The following PLCB1 variants were observed in gnomAD, a reference collection of about 807,000 sequenced individuals.
PLCB1 encodes the protein phospholipase C beta 1, also known as 1-phosphatidylinositol 4,5-bisphosphate phosphodiesterase beta-1.
PLCB1 carries 46 observed loss-of-function variants against 161.8 expected under a neutral mutation model. That is an observed-to-expected ratio of 0.28 (90% confidence interval 0.22 to 0.36). PLCB1 has a LOEUF of 0.36. Among genes scored for constraint, PLCB1 ranks in the 10% least tolerant of loss-of-function variants. The pLI is 1.00. For missense variants in PLCB1, 1,016 were observed against 1,472.5 expected (o/e 0.69, Z 5.07); for synonymous variants, 517 against 503.7 (o/e 1.03, Z -0.35).
intron 3 of PLCB1, among the ~76,000 whole-genome samples, chr20:8,405,651 GACAATC>G (rs1489218162): frequency 6.6e-6 from 1 of 152,084 alleles, no homozygotes; most frequent in Non-Finnish European, 1.5e-5. Context: ...CTGAAACCTG[GACAATC>G]AAGTAGCCAA....
chr20:8,778,852 C>T (rs752252787), intron 27 of PLCB1, among the ~76,000 whole-genome samples: 3 of 152,184 alleles, frequency 2.0e-5, no homozygotes, highest in African/African-American at 4.8e-5. Context: ...TTTTTACTAC[C>T]TGCCTTTAGC....
At position 8,528,671 on chromosome 20, in the gene PLCB1, A is replaced by G. The variant is rs964161722; in HGVS notation, c.247-99623A>G. Among the ~76,000 whole-genome samples the G allele has an allele frequency of 2.0e-5, 3 of 151,988 alleles. No individual in the cohort carries two copies. In the East Asian group the frequency reaches 5.8e-4, roughly 29 times the overall value. ...CTAAAATTGTTGAGCTGGTGAACCA[A>G]TGCCGGGATTTCCGTAACTCTTACA... On this transcript the variant is annotated intron_variant, in intron 3 of 31. Transcript: ENST00000338037.
intron 31 of PLCB1, among the ~76,000 whole-genome samples, chr20:8,813,736 C>T (rs898757912): frequency 6.6e-6 from 1 of 152,010 alleles, no homozygotes; most frequent in East Asian, 1.9e-4. Flanking sequence ...GAGGCTGAGG[C>T]GGGAGGATCA....
chr20:8,822,950 T>C (rs961107921), intron 31 of PLCB1, among the ~76,000 whole-genome samples: 4 of 152,142 alleles, frequency 2.6e-5, no homozygotes, highest in African/African-American at 9.7e-5. Context: ...AAAAACGGTG[T>C]CTGTACTGAA....
At chr20:8,610,119 A>C (rs537714643) in intron 3 of PLCB1, among the ~76,000 whole-genome samples, 1 of 152,118 alleles carries the variant, frequency 6.6e-6, no homozygotes, top group Non-Finnish European at 1.5e-5. Context: ...GTGTTTAACT[A>C]TTCTAGAAAT....
intron 3 of PLCB1, among the ~76,000 whole-genome samples, chr20:8,376,700 G>A (rs1235402535): frequency 3.3e-5 from 5 of 152,240 alleles, no homozygotes; most frequent in Admixed American, 6.5e-5. Context: ...TGGCTGAGGC[G>A]GGCGGATCAC....
At chr20:8,863,398 A>G (rs1251580444) in intron 31 of PLCB1, among the ~76,000 whole-genome samples, 1 of 152,244 alleles carries the variant, frequency 6.6e-6, no homozygotes, top group Non-Finnish European at 1.5e-5. Flanking sequence ...ATTCATGTAA[A>G]TGAGAATCAC....
intron 3 of PLCB1, among the ~76,000 whole-genome samples, chr20:8,440,753 A>T (rs886178296): frequency 1.3e-5 from 2 of 152,154 alleles, no homozygotes; most frequent in African/African-American, 4.8e-5. Flanking sequence ...ACTAAAGTTA[A>T]CAATCATATG....
intron 3 of PLCB1, among the ~76,000 whole-genome samples, chr20:8,480,390 T>C (rs372905463): frequency 1.6e-4 from 24 of 152,178 alleles, no homozygotes; most frequent in Non-Finnish European, 2.5e-4. Context: ...TGAAAAAATA[T>C]GTCAGGTCCT....
intron 2 of PLCB1, among the ~76,000 whole-genome samples, chr20:8,224,591 G>A (rs1159804878): frequency 6.6e-6 from 1 of 152,032 alleles, no homozygotes; most frequent in Non-Finnish European, 1.5e-5. Context: ...CAGCATATCA[G>A]CTTTAAAAAA....
intron 3 of PLCB1, among the ~76,000 whole-genome samples, chr20:8,403,148 C>T (rs1390505604): frequency 6.6e-6 from 1 of 152,000 alleles, no homozygotes; most frequent in Non-Finnish European, 1.5e-5. Flanking sequence ...TGTGTGAAGT[C>T]CCAAATGATA....
Position 8,340,625 on chromosome 20 carries a change from T to C in PLCB1, c.178-30757T>C, listed in dbSNP as rs945039975. ...TTTTTTAGTAGAGACGGGGTTTCAC[T>C]GTGTTAGCCAGGATGGTCTCGATCT... is the stretch of plus-strand genomic sequence containing the variant. On this transcript the variant is annotated intron_variant, in intron 2 of 31. Transcript: ENST00000338037. Among the ~76,000 whole-genome samples the C allele has an allele frequency of 6.5e-4, 99 of 151,966 alleles. 1 individual carries two copies. The highest frequency in any genetic ancestry group is 1.2e-3 in the Non-Finnish European group (82 of 67,954).
intron 2 of PLCB1, among the ~76,000 whole-genome samples, chr20:8,250,266 C>G (rs903696009): frequency 1.5e-4 from 23 of 151,892 alleles, no homozygotes; most frequent in Non-Finnish European, 3.1e-4. Flanking sequence ...ATAGCAAAAG[C>G]AATCTTACTC....
At chr20:8,736,959 ATTCTC>A in intron 19 of PLCB1, 64 bp from the exon 20 acceptor site, 1 of 1,202,748 alleles carries the variant, frequency 8.3e-7, no homozygotes, top group Non-Finnish European at 1.2e-6. Flanking sequence ...TCTTTAAAGT[ATTCTC>A]TTATGTCTTT....
At chr20:8,506,131 A>T (rs879428197) in intron 3 of PLCB1, among the ~76,000 whole-genome samples, 4 of 152,184 alleles carry the variant, frequency 2.6e-5, no homozygotes, top group Admixed American at 6.5e-5. Flanking sequence ...ACTTGAGCCA[A>T]CATGGTATGA....
chr20:8,475,431 T>TG (rs1279512986), intron 3 of PLCB1, among the ~76,000 whole-genome samples: 3 of 151,762 alleles, frequency 2.0e-5, no homozygotes, highest in African/African-American at 7.3e-5. Context: ...AAAAAATAAG[T>TG]GGGAAAAAAA....
intron 12 of PLCB1, among the ~76,000 whole-genome samples, chr20:8,709,581 G>A (rs562059111): frequency 3.3e-4 from 50 of 152,200 alleles, no homozygotes; most frequent in African/African-American, 1.2e-3. Flanking sequence ...AGGTCACTGA[G>A]CCTCTTTGTC....
chr20:8,694,244 C>T (rs1217828016), intron 10 of PLCB1, among the ~76,000 whole-genome samples: 2 of 152,090 alleles, frequency 1.3e-5, no homozygotes, highest in African/African-American at 4.8e-5. Flanking sequence ...ATACAGGGAA[C>T]CTAATATGCA....
At chr20:8,795,434 G>A (rs1983968409) in intron 31 of PLCB1, among the ~76,000 whole-genome samples, 1 of 152,150 alleles carries the variant, frequency 6.6e-6, no homozygotes, top group Admixed American at 6.5e-5. Flanking sequence ...TCTTAGAAGG[G>A]AATACTTGGC....
Sources: allele counts gnomAD v4.1 joint callset (sites outside exome capture counted in the v4.1 genomes callset), GRCh38; gene constraint gnomAD v4.1.1; transcripts MANE v1.5; gene names NCBI Gene and HGNC (gene_info 2026-07-23, HGNC 2026-07-21).